The following AP3B1 variants were observed in gnomAD, a reference collection of about 807,000 sequenced individuals.
AP3B1 encodes the protein adaptor related protein complex 3 subunit beta 1.
AP3B1 carries 61 observed loss-of-function variants against 132.5 expected under a neutral mutation model. The ratio of observed to expected loss-of-function variants is 0.46; its 90% CI spans 0.37 to 0.57. The LOEUF is 0.57. Among genes scored for constraint, AP3B1 ranks in the 20% least tolerant of loss-of-function variants. The probability of loss-of-function intolerance (pLI) is 0.00; values close to 1 mark genes in which losing one functional copy is unlikely to be tolerated. For synonymous variants in AP3B1, 388 were observed against 438.3 expected, an observed-to-expected ratio of 0.89 and a Z score of 1.43; for missense variants, 1,120 against 1,289.4, an observed-to-expected ratio of 0.87 and a Z score of 2.01.
chr5:78,184,522 T>TA (rs367569000), intron 7 of AP3B1, among the ~76,000 whole-genome samples: 97 of 151,322 alleles, frequency 6.4e-4, no homozygotes, highest in African/African-American at 2.2e-3. Flanking sequence ...CCGCCTCTAC[T>TA]AAAAAAATAC....
chr5:78,147,185 T>C (rs1366946225), intron 14 of AP3B1, among the ~76,000 whole-genome samples: 4 of 152,160 alleles, frequency 2.6e-5, no homozygotes, highest in African/African-American at 7.2e-5. Flanking sequence ...TTGGTTGCCA[T>C]ATTTTTTGTG....
intron 11 of AP3B1, among the ~76,000 whole-genome samples, chr5:78,173,737 T>C (rs1171975339): frequency 6.6e-6 from 1 of 152,008 alleles, no homozygotes; most frequent in Non-Finnish European, 1.5e-5. Flanking sequence ...CCTGCCTTGG[T>C]AGGTTGGGGA....
intron 22 of AP3B1, among the ~76,000 whole-genome samples, chr5:78,071,648 A>C (rs1195703888): frequency 6.6e-6 from 1 of 152,126 alleles, no homozygotes; most frequent in Non-Finnish European, 1.5e-5. Flanking sequence ...TATACTGATG[A>C]CTCTGGAAAA....
chr5:78,234,954 T>C (rs550198370), intron 3 of AP3B1, among the ~76,000 whole-genome samples: 246 of 152,194 alleles, frequency 1.6e-3, no homozygotes, highest in African/African-American at 5.8e-3. Context: ...AACTTGTTAG[T>C]CTGGTTGTTT....
chr5:78,159,356 C>T (rs545876146), intron 13 of AP3B1, among the ~76,000 whole-genome samples: 47 of 152,270 alleles, frequency 3.1e-4, no homozygotes, highest in African/African-American at 1.0e-3. Flanking sequence ...TTACTAAAAA[C>T]ATAGTGGCTT....
intron 21 of AP3B1, among the ~76,000 whole-genome samples, chr5:78,097,912 C>T (rs1401251763): frequency 6.6e-6 from 1 of 152,134 alleles, no homozygotes; most frequent in Non-Finnish European, 1.5e-5. Context: ...ACATGGGAGA[C>T]TTTTCATTTT....
At chr5:78,119,795 A>G (rs1171170429) in intron 17 of AP3B1, among the ~76,000 whole-genome samples, 3 of 152,344 alleles carry the variant, frequency 2.0e-5, no homozygotes, top group East Asian at 3.9e-4. Flanking sequence ...AACTTCCCCA[A>G]TCTAGCAAGA....
At chr5:78,103,208 A>C (rs555389081) in intron 20 of AP3B1, among the ~76,000 whole-genome samples, 2 of 152,312 alleles carry the variant, frequency 1.3e-5, no homozygotes, top group Admixed American at 1.3e-4. Flanking sequence ...TATAAAAATA[A>C]AATTCTGAAT....
At chr5:78,039,560 G>C (rs1197597402) in intron 22 of AP3B1, among the ~76,000 whole-genome samples, 1 of 152,062 alleles carries the variant, frequency 6.6e-6, no homozygotes, top group Non-Finnish European at 1.5e-5. Flanking sequence ...GAGATCACGA[G>C]GTCAGGAGAT....
At chr5:78,265,344 G>T (rs1748276461) in intron 2 of AP3B1, among the ~76,000 whole-genome samples, 1 of 152,136 alleles carries the variant, frequency 6.6e-6, no homozygotes, top group South Asian at 2.1e-4. Flanking sequence ...TCAGAAGGCT[G>T]AGGTGGGAGG....
At chr5:78,026,139 C>T (rs1747333363) in intron 24 of AP3B1, among the ~76,000 whole-genome samples, 1 of 152,176 alleles carries the variant, frequency 6.6e-6, no homozygotes, top group Admixed American at 6.5e-5. Context: ...CATTTCTACA[C>T]ATAACTGCCT....
chr5:78,095,553 T>C (rs960994328), intron 21 of AP3B1, among the ~76,000 whole-genome samples: 16 of 152,222 alleles, frequency 1.1e-4, no homozygotes, highest in Admixed American at 1.0e-3. Context: ...AAGGTTTTTG[T>C]AGTTTTTTAA....
chr5:78,007,243 G>A (rs914666682), intron 26 of AP3B1, among the ~76,000 whole-genome samples: 1 of 152,160 alleles, frequency 6.6e-6, no homozygotes, highest in African/African-American at 2.4e-5. Flanking sequence ...CAGTCTCCAG[G>A]GTAGTCACAA....
intron 22 of AP3B1, among the ~76,000 whole-genome samples, chr5:78,079,932 T>C (rs1369964131): frequency 6.6e-6 from 1 of 152,224 alleles, no homozygotes; most frequent in Non-Finnish European, 1.5e-5. Flanking sequence ...TCCACATATG[T>C]ATGCATCCAT....
intron 22 of AP3B1, 41 bp from the exon 23 acceptor site, chr5:78,039,315 A>C (rs371578712): frequency 1.5e-4 from 217 of 1,457,058 alleles, no homozygotes; most frequent in Non-Finnish European, 2.0e-4. Flanking sequence ...GAGTTAGTGA[A>C]TATAATTATT....
chr5:78,243,392 A>G (rs1248160577), intron 2 of AP3B1, among the ~76,000 whole-genome samples: 2 of 152,186 alleles, frequency 1.3e-5, no homozygotes, highest in Non-Finnish European at 2.9e-5. Flanking sequence ...TTATTCAAAT[A>G]TGGGGAAGGA....
At chr5:78,117,156 C>A (rs1193024245) in intron 17 of AP3B1, among the ~76,000 whole-genome samples, 5 of 149,216 alleles carry the variant, frequency 3.4e-5, no homozygotes, top group African/African-American at 1.2e-4. Context: ...GCACTTCCAA[C>A]ACCATTCCCC....
intron 26 of AP3B1, among the ~76,000 whole-genome samples, chr5:78,009,756 T>G (rs1397748179): frequency 8.0e-6 from 1 of 124,814 alleles, no homozygotes; most frequent in Non-Finnish European, 1.6e-5. Context: ...AAAATCCAAA[T>G]TACTAATTAA....
At chr5:78,293,349 A>C (rs569687159) in intron 1 of AP3B1, among the ~76,000 whole-genome samples, 3 of 152,324 alleles carry the variant, frequency 2.0e-5, no homozygotes, top group East Asian at 3.9e-4. Flanking sequence ...GGATCATCAA[A>C]TGCATATAAT....
Sources: gnomAD v4.1 joint callset for allele counts (sites outside exome capture counted in the v4.1 genomes callset) on GRCh38, gnomAD v4.1.1 for gene constraint, MANE v1.5 for transcripts, NCBI Gene and HGNC (gene_info 2026-07-23, HGNC 2026-07-21) for gene names.